The following POGLUT1 variants were observed in gnomAD, a reference collection of about 807,000 sequenced individuals.
The protein encoded by POGLUT1 is 9630046K23Rik.
POGLUT1 carries 32 observed loss-of-function variants against 61.3 expected under a neutral mutation model. That is an observed-to-expected ratio of 0.52 (90% CI 0.39 to 0.70). The LOEUF is 0.70. Ranked by LOEUF, POGLUT1 falls within the 30% of genes least tolerant of loss-of-function variation. POGLUT1 has a pLI of 0.00. For missense variants in POGLUT1, 411 were observed against 469.8 expected (o/e 0.87, Z 1.16); for synonymous variants, 158 against 158.2 (o/e 1.00, Z 0.01).
intron 2 of POGLUT1, among the ~76,000 whole-genome samples, chr3:119,470,288 A>G (rs1177722995): frequency 1.3e-5 from 2 of 152,244 alleles, no homozygotes; most frequent in African/African-American, 4.8e-5. Context: ...TAGAAAATGC[A>G]CATCAGGCTG....
intron 6 of POGLUT1, 90 bp from the exon 7 acceptor site, chr3:119,486,743 A>G (rs2081668786): frequency 1.2e-6 from 1 of 861,206 alleles, no homozygotes; most frequent in South Asian, 1.4e-5. Context: ...GAGTCATTGC[A>G]TTGGGTCCTA....
intron 3 of POGLUT1, among the ~76,000 whole-genome samples, chr3:119,475,093 T>G (rs1422307655): frequency 6.6e-6 from 1 of 152,292 alleles, no homozygotes; most frequent in East Asian, 1.9e-4. Context: ...CCTCAGACCC[T>G]CAGACTGCTA....
chr3:119,490,790 T>G, intron 9 of POGLUT1, 72 bp downstream of exon 9: 2 of 1,323,322 alleles, frequency 1.5e-6, no homozygotes, highest in South Asian at 1.4e-5. Context: ...CCTTAATGCC[T>G]TAAAACCAGT....
At chr3:119,478,160 G>C (rs2081561862) in intron 4 of POGLUT1, 1 of 346,910 alleles carries the variant, frequency 2.9e-6, no homozygotes, top group Admixed American at 3.9e-5. Context: ...AGCATTTGGG[G>C]GTGAAGGCAG....
intron 10 of POGLUT1, among the ~76,000 whole-genome samples, chr3:119,492,054 C>CA (rs913623808): frequency 6.4e-4 from 69 of 107,112 alleles, no homozygotes; most frequent in African/African-American, 1.8e-3. Flanking sequence ...AACTCCGTCT[C>CA]AAAAAATAAA....
At chr3:119,475,290 A>AGAAT (rs750227409) in intron 3 of POGLUT1, among the ~76,000 whole-genome samples, 2 of 152,214 alleles carry the variant, frequency 1.3e-5, no homozygotes, top group Admixed American at 6.5e-5. Flanking sequence ...GAGTCCATAG[A>AGAAT]GAATGCCTCA....
intron 5 of POGLUT1, among the ~76,000 whole-genome samples, chr3:119,484,742 AC>A (rs2081646098): frequency 6.6e-6 from 1 of 152,130 alleles, no homozygotes; most frequent in Non-Finnish European, 1.5e-5. Context: ...TTATAAACAG[AC>A]CTAATCATGA....
At chr3:119,469,421 T>G (rs1246381236) in intron 1 of POGLUT1, among the ~76,000 whole-genome samples, 1 of 152,196 alleles carries the variant, frequency 6.6e-6, no homozygotes, top group Admixed American at 6.5e-5. Context: ...GGGTCGGGGA[T>G]GGGGGCAAAT....
At chr3:119,479,997 C>T in intron 4 of POGLUT1, 54 bp from the exon 5 acceptor site, 1 of 1,608,764 alleles carries the variant, frequency 6.2e-7, no homozygotes. Flanking sequence ...TTGCAGTTGC[C>T]TCTTTTCACT....
intron 4 of POGLUT1, chr3:119,478,535 T>C: frequency 2.5e-6 from 1 of 403,874 alleles, no homozygotes; most frequent in Non-Finnish European, 4.9e-6. Flanking sequence ...TAATAAAGTA[T>C]GACCGTCGGT....
chr3:119,482,288 T>C (rs1348397543), intron 5 of POGLUT1, among the ~76,000 whole-genome samples: 1 of 152,254 alleles, frequency 6.6e-6, no homozygotes, highest in Non-Finnish European at 1.5e-5. Context: ...TTTACAAATA[T>C]GTATAACTCA....
chr3:119,494,312 A>G lies in POGLUT1; in HGVS notation c.*1874A>G, dbSNP rs1443184539. 1 of 152,638 alleles carries G rather than the reference A, an allele frequency of 6.6e-6. No homozygotes were observed. The highest frequency in any genetic ancestry group is 2.4e-5 in the African/African-American group (1 of 41,460). 9.5% of individuals were successfully genotyped at this position (152,638 alleles called of 1,614,324 possible). On this transcript the variant is annotated 3_prime_UTR_variant, in exon 11 of 11. Transcript: ENST00000295588. ...GGTGGGTGGATGGATGGATGGAGGAATGGAGACAGTTGGCTTAACCAGATC... is the reference window on the plus strand; with the variant it reads ...GGTGGGTGGATGGATGGATGGAGGAGTGGAGACAGTTGGCTTAACCAGATC...
In POGLUT1 at chr3:119,468,966, CG is replaced by C; in HGVS notation, c.-52del. 6.8e-7 allele frequency: 1 copy of C among 1,479,250 alleles called. No homozygotes were observed. Among genetic ancestry groups the C allele is most frequent in the Non-Finnish European group, 9.2e-7 (1 of 1,083,614 alleles). 91.6% of individuals were successfully genotyped at this position (1,479,250 alleles called of 1,614,324 possible). The stretch of plus-strand genomic sequence containing the variant: ...CTGCGGCTCCCGGGCCATCTTTGTG[CG>C]GGGCCGCGCTTCCGCCAGCGCCGCA... On this transcript the variant is annotated 5_prime_UTR_variant, in exon 1 of 11. Coordinates refer to ENST00000295588, the MANE Select transcript of POGLUT1 (RefSeq NM_152305.3).
chr3:119,483,427 T>C (rs923287181), intron 5 of POGLUT1, among the ~76,000 whole-genome samples: 1 of 152,174 alleles, frequency 6.6e-6, no homozygotes, highest in Non-Finnish European at 1.5e-5. Flanking sequence ...TCCTGGCTCT[T>C]ATTAGCTGCA....
rs540680631 is a variant in POGLUT1, at chr3:119,494,487, T to C, written c.*2049T>C. 4 of 152,796 alleles carry C rather than the reference T, an allele frequency of 2.6e-5. No individual in the cohort carries two copies. The highest frequency in any genetic ancestry group is 1.3e-4 in the Admixed American group (2 of 15,312). The allele number at this position is 152,796 out of a possible 1,614,324, so 9.5% of individuals were successfully genotyped here. ...ATGTTATTCAGATTTTGTACTTGTC[T>C]ATCTGTTTACCTCAGTGTAGATGAT... On this transcript the variant is annotated 3_prime_UTR_variant, in exon 11 of 11. Transcript: ENST00000295588.
At chr3:119,477,870 T>C (rs2081557136) in intron 4 of POGLUT1, among the ~76,000 whole-genome samples, 1 of 152,222 alleles carries the variant, frequency 6.6e-6, no homozygotes, top group South Asian at 2.1e-4. Context: ...GTCCCATCTG[T>C]CACCATATTC....
chr3:119,479,941 T>C (rs775971029), intron 4 of POGLUT1, 110 bp from the exon 5 acceptor site: 1 of 1,572,936 alleles, frequency 6.4e-7, no homozygotes, highest in Non-Finnish European at 8.7e-7. Context: ...AATATATCTT[T>C]GACAATGTGA....
intron 10 of POGLUT1, among the ~76,000 whole-genome samples, chr3:119,491,793 G>A (rs1484299932): frequency 2.0e-5 from 3 of 152,172 alleles, no homozygotes; most frequent in African/African-American, 4.8e-5. Flanking sequence ...GGTGGCTAAC[G>A]CCTGTAATCC....
Position 119,469,272 on chromosome 3 carries a change from G to A in POGLUT1, c.85+166G>A, listed in dbSNP as rs1455151434. On this transcript the variant is annotated intron_variant, in intron 1 of 10. Coordinates refer to ENST00000295588, the MANE Select transcript of POGLUT1 (RefSeq NM_152305.3). ...TTGCGGCGGAGAGTGAGGTGCCGGG[G>A]TCTCTGCTCCTGCTCTGGACCCTGG... 5 of 633,868 alleles carry A rather than the reference G, an allele frequency of 7.9e-6. No individual in the cohort carries two copies. The South Asian group carries it at 9.1e-5, about 11-fold the overall frequency. 39.3% of individuals were successfully genotyped at this position (633,868 alleles called of 1,614,324 possible).
Sources: gnomAD v4.1 joint callset for allele counts (sites outside exome capture counted in the v4.1 genomes callset) on GRCh38, gnomAD v4.1.1 for gene constraint, MANE v1.5 for transcripts, NCBI Gene and HGNC (gene_info 2026-07-23, HGNC 2026-07-21) for gene names.